Variants in SLC35F1 observed in about 807,000 individuals in gnomAD.
The protein encoded by SLC35F1 is solute carrier family 35 member F1, also known as chromosome 6 open reading frame 169.
SLC35F1 carries 14 observed loss-of-function variants against 48.7 expected under a neutral mutation model. That is an observed-to-expected ratio of 0.29 (90% confidence interval 0.19 to 0.45). The LOEUF is 0.45. Among genes scored for constraint, SLC35F1 ranks in the 20% least tolerant of loss-of-function variants. The pLI is 1.00. For missense variants in SLC35F1, 404 were observed against 500.0 expected (o/e 0.81, Z 1.83); for synonymous variants, 190 against 202.2 (o/e 0.94, Z 0.51).
At chr6:118,206,340 A>AG (rs1774935542) in intron 2 of SLC35F1, among the ~76,000 whole-genome samples, 1 of 152,148 alleles carries the variant, frequency 6.6e-6, no homozygotes, top group African/African-American at 2.4e-5. Flanking sequence ...AATTGTTCAC[A>AG]GGGGGCCAAT....
At chr6:118,191,188 C>T (rs548569614) in intron 2 of SLC35F1, among the ~76,000 whole-genome samples, 5 of 152,156 alleles carry the variant, frequency 3.3e-5, no homozygotes, top group South Asian at 2.1e-4. Context: ...ACTGATTATG[C>T]GGCGACATAT....
intron 2 of SLC35F1, among the ~76,000 whole-genome samples, chr6:118,208,008 G>A (rs1774957265): frequency 6.6e-6 from 1 of 152,206 alleles, no homozygotes; most frequent in Non-Finnish European, 1.5e-5. Context: ...AAAGGGCAAT[G>A]CCTTCTTTAG....
chr6:117,944,647 A>C (rs1284063332), intron 1 of SLC35F1, among the ~76,000 whole-genome samples: 2 of 151,662 alleles, frequency 1.3e-5, no homozygotes, highest in African/African-American at 2.4e-5. Flanking sequence ...ATGCAAACAC[A>C]TGATACGTAT....
intron 1 of SLC35F1, among the ~76,000 whole-genome samples, chr6:118,104,420 A>G (rs1773301614): frequency 6.6e-6 from 1 of 152,242 alleles, no homozygotes; most frequent in Non-Finnish European, 1.5e-5. Flanking sequence ...TTGAGCTTAT[A>G]AGATTCTTAT....
At chr6:118,056,652 T>C (rs1057474296) in intron 1 of SLC35F1, among the ~76,000 whole-genome samples, 1 of 152,200 alleles carries the variant, frequency 6.6e-6, no homozygotes, top group Non-Finnish European at 1.5e-5. Context: ...TCATAATAAA[T>C]GGTGAAGTTG....
At chr6:118,273,005 T>C (rs1039717939) in intron 4 of SLC35F1, among the ~76,000 whole-genome samples, 1 of 151,660 alleles carries the variant, frequency 6.6e-6, no homozygotes, top group Non-Finnish European at 1.5e-5. Flanking sequence ...GTTATATGTA[T>C]AGGTACCTAC....
At chr6:118,103,527 C>T (rs1021394928) in intron 1 of SLC35F1, among the ~76,000 whole-genome samples, 36 of 152,328 alleles carry the variant, frequency 2.4e-4, no homozygotes, top group African/African-American at 8.7e-4. Flanking sequence ...AACTTCTGTG[C>T]CCAGGCCTGA....
At chr6:118,081,524 A>G (rs1380087106) in intron 1 of SLC35F1, among the ~76,000 whole-genome samples, 3 of 152,066 alleles carry the variant, frequency 2.0e-5, no homozygotes, top group African/African-American at 7.2e-5. Flanking sequence ...AGTCCCAGCT[A>G]CTCAAGAGGC....
chr6:117,920,714 T>C (rs991286988), intron 1 of SLC35F1, among the ~76,000 whole-genome samples: 1 of 152,104 alleles, frequency 6.6e-6, no homozygotes, highest in Non-Finnish European at 1.5e-5. Context: ...CTCGTACTAA[T>C]CCATCTGCTA....
intron 1 of SLC35F1, among the ~76,000 whole-genome samples, chr6:118,145,270 C>G (rs952757248): frequency 6.6e-6 from 1 of 152,158 alleles, no homozygotes; most frequent in Non-Finnish European, 1.5e-5. Context: ...TTTTAAGGTA[C>G]ATCAGAGTCT....
At chr6:117,941,245 A>G (rs1776229381) in intron 1 of SLC35F1, among the ~76,000 whole-genome samples, 1 of 152,224 alleles carries the variant, frequency 6.6e-6, no homozygotes, top group Admixed American at 6.5e-5. Context: ...CCTCTTGAGA[A>G]AAACCTGTAT....
At position 117,907,554 on chromosome 6, in the gene SLC35F1, G is replaced by GGGC. The variant is rs1775703825; in HGVS notation, c.-163_-161dup. On this transcript the variant is annotated 5_prime_UTR_variant, in exon 1 of 8. Transcript: ENST00000360388. ...ACTGGAGAGGAGTGAGTGGCGGGCT[G>GGGC]GGCGGCGGCGGCCGTAGCCGCGGGT... The GGGC allele has an allele frequency of 2.7e-6, 1 of 372,504 alleles. No individual in the cohort carries two copies. Among genetic ancestry groups the GGGC allele is most frequent in the African/African-American group, 2.2e-5 (1 of 46,194 alleles). 23.1% of individuals were successfully genotyped at this position (372,504 alleles called of 1,614,324 possible).
rs1395031605 is a variant in SLC35F1 at position 118,063,229 on chromosome 6, T to A, written c.174-91216T>A. On this transcript the variant is annotated intron_variant, in intron 1 of 7. Transcript: ENST00000360388. ...TATCCTAAATTTTTTTCACCACAAA[T>A]TTATAATGGAGTAAGATTCATCACT... Among the ~76,000 whole-genome samples the A allele has an allele frequency of 3.9e-5, 6 of 152,274 alleles. No individual in the cohort carries two copies. The East Asian group carries it at 1.2e-3, about 29-fold the overall frequency.
intron 1 of SLC35F1, among the ~76,000 whole-genome samples, chr6:117,967,774 G>T (rs115636556): frequency 0.01 from 1,551 of 152,248 alleles, 26 homozygotes; most frequent in African/African-American, 0.036. Flanking sequence ...CCAAGAAAGG[G>T]TGAGTTACCC....
At chr6:117,966,347 C>T (rs551948869) in intron 1 of SLC35F1, among the ~76,000 whole-genome samples, 1 of 149,102 alleles carries the variant, frequency 6.7e-6, no homozygotes, top group Non-Finnish European at 1.5e-5. Context: ...CCGGCAGGAA[C>T]TAACAACTCC....
chr6:118,075,268 T>C (rs1348953287), intron 1 of SLC35F1, among the ~76,000 whole-genome samples: 1 of 152,250 alleles, frequency 6.6e-6, no homozygotes, highest in Non-Finnish European at 1.5e-5. Flanking sequence ...TTTTAGTTTC[T>C]TCAGTAATTT....
At chr6:117,913,507 A>G (rs1775788827) in intron 1 of SLC35F1, among the ~76,000 whole-genome samples, 1 of 152,192 alleles carries the variant, frequency 6.6e-6, no homozygotes, top group Non-Finnish European at 1.5e-5. Context: ...CAGTGTCTAG[A>G]TATTGGAATA....
chr6:117,954,380 C>T (rs940493819), intron 1 of SLC35F1, among the ~76,000 whole-genome samples: 4 of 152,066 alleles, frequency 2.6e-5, no homozygotes, highest in Non-Finnish European at 4.4e-5. Flanking sequence ...CTCAGCCTCC[C>T]GAGTAGCTGG....
At chr6:118,033,362 T>A (rs1425122925) in intron 1 of SLC35F1, among the ~76,000 whole-genome samples, 1 of 152,202 alleles carries the variant, frequency 6.6e-6, no homozygotes, top group East Asian at 1.9e-4. Context: ...TTTTAAAACA[T>A]TAAGATGCAT....
Sources: allele counts gnomAD v4.1 joint callset (sites outside exome capture counted in the v4.1 genomes callset), GRCh38; gene constraint gnomAD v4.1.1; transcripts MANE v1.5; gene names NCBI Gene and HGNC (gene_info 2026-07-23, HGNC 2026-07-21).